ARL6: variants seen among roughly 807,000 people sequenced by gnomAD.
ARL6 encodes ADP-ribosylation factor-like protein 6.
Under a neutral mutation model 27.1 loss-of-function variants are expected in ARL6, and 18 were observed. That is an observed-to-expected ratio of 0.66 (90% confidence interval 0.46 to 0.98). The LOEUF (loss-of-function observed/expected upper bound fraction) is 0.98. Among genes scored for constraint, ARL6 ranks in the 50% least tolerant of loss-of-function variants. The pLI, the probability that ARL6 is intolerant of heterozygous loss-of-function variation, is 0.00. For synonymous variants in ARL6, 65 were observed against 72.3 expected (o/e 0.90, Z 0.51); for missense variants, 187 against 214.9 (o/e 0.87, Z 0.81).
At chr3:97,794,175 TTTTGTGTG>T (rs2037879918) in intron 7 of ARL6, among the ~76,000 whole-genome samples, 1 of 100,460 alleles carries the variant, frequency 1.0e-5, no homozygotes, top group Non-Finnish European at 2.0e-5. Flanking sequence ...ATTTTCTTTC[TTTTGTGTG>T]TGTGTGTGTG....
rs748740752 is a variant in ARL6 at position 97,798,016 on chromosome 3, G to A, written c.536-8G>A. 2 of 1,612,352 alleles carry A rather than the reference G, an allele frequency of 1.2e-6. No homozygotes were observed. The highest frequency in any genetic ancestry group is 4.5e-5 in the East Asian group (2 of 44,762). On this transcript the variant is annotated splice_region_variant and splice_polypyrimidine_tract_variant and intron_variant, in intron 7 of 7. Coordinates refer to ENST00000463745, the MANE Select transcript of ARL6 (RefSeq NM_001278293.3). ...GATTGATAATTTTTGTTTGTTTTTTGTTATCAGATCAGATCCAGACTGTGA... is the reference window on the plus strand; with the variant it reads ...GATTGATAATTTTTGTTTGTTTTTTATTATCAGATCAGATCCAGACTGTGA...
rs1462701070 is a variant in ARL6, at chr3:97,781,161, T to G, written c.254+478T>G. On this transcript the variant is annotated intron_variant, in intron 4 of 7. Coordinates refer to ENST00000463745, the MANE Select transcript of ARL6 (RefSeq NM_001278293.3). The stretch of plus-strand genomic sequence containing the variant: ...GATTATTTATTATTCATATTATTTT[T>G]TCAAGACCTAGTATGATGCTCAGCA... Among the ~76,000 whole-genome samples the G allele has an allele frequency of 3.4e-4, 52 of 152,178 alleles. 1 individual carries two copies. The highest frequency in any genetic ancestry group is 2.9e-5 in the Non-Finnish European group (2 of 67,978).
chr3:97,766,375 T>C (rs952274461), intron 1 of ARL6, among the ~76,000 whole-genome samples: 1 of 152,146 alleles, frequency 6.6e-6, no homozygotes, highest in Non-Finnish European at 1.5e-5. Flanking sequence ...AAGCTGTAAT[T>C]TAAAGAAATG....
chr3:97,770,179 A>T (rs1024890665), intron 2 of ARL6, among the ~76,000 whole-genome samples: 1 of 152,052 alleles, frequency 6.6e-6, no homozygotes, highest in African/African-American at 2.4e-5. Flanking sequence ...CCTTTTCTAC[A>T]TCTTCACCAG....
At chr3:97,795,092 A>C (rs2037937200) in intron 7 of ARL6, among the ~76,000 whole-genome samples, 1 of 152,136 alleles carries the variant, frequency 6.6e-6, no homozygotes, top group Admixed American at 6.6e-5. Flanking sequence ...TTTAAAAATA[A>C]AGTTTAAGGT....
intron 3 of ARL6, 50 bp from the exon 4 acceptor site, chr3:97,780,563 TAA>T: frequency 6.9e-7 from 1 of 1,448,174 alleles, no homozygotes; most frequent in South Asian, 1.2e-5. Flanking sequence ...AAATTTTAAG[TAA>T]AAGTTATGCT....
chr3:97,765,207 T>TGGGG (rs35915522), intron 1 of ARL6, among the ~76,000 whole-genome samples: 9 of 73,902 alleles, frequency 1.2e-4, no homozygotes, highest in Non-Finnish European at 8.6e-5. Context: ...ACCCGTGTAT[T>TGGGG]GGGGGTGTGT....
chr3:97,785,586 C>T (rs1271171169), intron 5 of ARL6, among the ~76,000 whole-genome samples: 2 of 151,866 alleles, frequency 1.3e-5, no homozygotes, highest in Non-Finnish European at 2.9e-5. Context: ...ATTCTTTACA[C>T]TCTTCTGCAT....
At chr3:97,789,420 A>G (rs561768754) in intron 6 of ARL6, among the ~76,000 whole-genome samples, 1 of 152,338 alleles carries the variant, frequency 6.6e-6, no homozygotes, top group East Asian at 1.9e-4. Context: ...ACTGCTTGAT[A>G]GAAAGTGCAC....
At chr3:97,770,705 T>A (rs1447867467) in intron 2 of ARL6, among the ~76,000 whole-genome samples, 1 of 152,140 alleles carries the variant, frequency 6.6e-6, no homozygotes, top group Non-Finnish European at 1.5e-5. Context: ...GACTTTTGTA[T>A]ATGGTGGGAG....
At chr3:97,777,124 T>C (rs1490646899) in intron 2 of ARL6, among the ~76,000 whole-genome samples, 1 of 152,222 alleles carries the variant, frequency 6.6e-6, no homozygotes, top group African/African-American at 2.4e-5. Context: ...GCACTTTGGA[T>C]GAGTAGATTG....
At chr3:97,766,834 A>G (rs1394742488) in intron 1 of ARL6, 1 of 152,194 alleles carries the variant, frequency 6.6e-6, no homozygotes, top group Non-Finnish European at 1.5e-5. Flanking sequence ...TTGGTGAGTA[A>G]TGAGAAATAT....
At chr3:97,765,211 G>GTGTGTGTGTGTGTGT (rs1553688332) in intron 1 of ARL6, among the ~76,000 whole-genome samples, 1 of 105,536 alleles carries the variant, frequency 9.5e-6, no homozygotes, top group Admixed American at 1.1e-4. Context: ...GTGTATTGGG[G>GTGTGTGTGTGTGTGT]GTGTGTGTGT....
chr3:97,776,534 A>G (rs1417919369), intron 2 of ARL6, among the ~76,000 whole-genome samples: 2 of 151,910 alleles, frequency 1.3e-5, no homozygotes, highest in Non-Finnish European at 2.9e-5. Flanking sequence ...CTTAAGGGAT[A>G]TTACTTGTGC....
intron 6 of ARL6, among the ~76,000 whole-genome samples, chr3:97,789,030 A>G (rs1342105531): frequency 6.6e-6 from 1 of 152,160 alleles, no homozygotes; most frequent in Non-Finnish European, 1.5e-5. Flanking sequence ...GTGAACTAGA[A>G]TATGAAGCAA....
At chr3:97,776,313 CTGTG>C (rs2036898032) in intron 2 of ARL6, among the ~76,000 whole-genome samples, 1 of 151,848 alleles carries the variant, frequency 6.6e-6, no homozygotes, top group Admixed American at 6.6e-5. Flanking sequence ...TGTTTTCAGC[CTGTG>C]TGTATCTTCA....
Position 97,800,955 on chromosome 3 carries a change from C to G in ARL6, c.*2906C>G, listed in dbSNP as rs919023469. On this transcript the variant is annotated 3_prime_UTR_variant, in exon 8 of 8. Coordinates refer to ENST00000463745, the MANE Select transcript of ARL6 (RefSeq NM_001278293.3). Reference sequence around the variant, plus strand: ...ACATGGCTCCTCCCAAAGACCCCACCTCCTAATATCATCACATGTCATCAC... The same window carrying G: ...ACATGGCTCCTCCCAAAGACCCCACGTCCTAATATCATCACATGTCATCAC... 2 of 152,174 alleles carry G rather than the reference C, an allele frequency of 1.3e-5. No individual in the cohort carries two copies. Among genetic ancestry groups the G allele is most frequent in the Admixed American group, 1.3e-4 (2 of 15,272 alleles). 9.4% of individuals were successfully genotyped at this position (152,174 alleles called of 1,614,324 possible). A position where few individuals can be genotyped will look rare whatever the true frequency, so the allele number is the denominator to read the frequency against.
At chr3:97,784,258 G>A (rs1029721511) in intron 4 of ARL6, among the ~76,000 whole-genome samples, 1 of 151,826 alleles carries the variant, frequency 6.6e-6, no homozygotes, top group Non-Finnish European at 1.5e-5. Flanking sequence ...GTGCCTATGT[G>A]ATCCATGGGT....
chr3:97,766,292 C>A (rs2036379289), intron 1 of ARL6, among the ~76,000 whole-genome samples: 1 of 152,090 alleles, frequency 6.6e-6, no homozygotes, highest in Non-Finnish European at 1.5e-5. Flanking sequence ...ACTTTGAAAT[C>A]AAATGGTATG....
Sources: gnomAD v4.1 joint callset for allele counts (sites outside exome capture counted in the v4.1 genomes callset) on GRCh38, gnomAD v4.1.1 for gene constraint, MANE v1.5 for transcripts, NCBI Gene and HGNC (gene_info 2026-07-23, HGNC 2026-07-21) for gene names.